The following CNBD2 variants were observed in gnomAD, a reference collection of about 807,000 sequenced individuals.
CNBD2 encodes the protein cyclic nucleotide-binding domain-containing protein 2.
Under a neutral mutation model 63.7 loss-of-function variants are expected in CNBD2, and 64 were observed. The ratio of observed to expected loss-of-function variants is 1.00; its 90% CI spans 0.82 to 1.24. The LOEUF (loss-of-function observed/expected upper bound fraction) is 1.24, where lower values mean the gene tolerates loss of function less well. Among genes scored for constraint, CNBD2 ranks in the 50% most tolerant of loss-of-function variants. The pLI, the probability that CNBD2 is intolerant of heterozygous loss-of-function variation, is 0.00. For missense variants in CNBD2, 691 were observed against 713.5 expected (o/e 0.97, Z 0.36); for synonymous variants, 229 against 255.4 (o/e 0.90, Z 0.99).
chr20:36,003,702 A>G (rs1345378213), intron 8 of CNBD2, among the ~76,000 whole-genome samples: 1 of 152,160 alleles, frequency 6.6e-6, no homozygotes, highest in Non-Finnish European at 1.5e-5. Flanking sequence ...AACTTAAAAT[A>G]ACAGACATTT....
At chr20:36,014,927 C>G (rs1412656613) in intron 10 of CNBD2, among the ~76,000 whole-genome samples, 1 of 152,196 alleles carries the variant, frequency 6.6e-6, no homozygotes, top group Non-Finnish European at 1.5e-5. Flanking sequence ...AACCATCGTG[C>G]CTGGCCTCCA....
chr20:36,016,083 C>T (rs1048854840), intron 10 of CNBD2, among the ~76,000 whole-genome samples: 2 of 152,170 alleles, frequency 1.3e-5, no homozygotes, highest in African/African-American at 2.4e-5. Context: ...CCTCTGTGGC[C>T]ATCCTCTCAA....
At chr20:35,967,600 C>T (rs1221922899), upstream of CNBD2, among the ~76,000 whole-genome samples, 1 of 149,708 alleles carries the variant, frequency 6.7e-6, no homozygotes, top group Non-Finnish European at 1.5e-5. Flanking sequence ...TGCCTGTAAT[C>T]CCGGCACTTT....
chr20:36,019,353 C>T (rs990135199), intron 10 of CNBD2, among the ~76,000 whole-genome samples: 1 of 151,570 alleles, frequency 6.6e-6, no homozygotes, highest in African/African-American at 2.4e-5. Context: ...GATGAAACCC[C>T]GTCTCTACCA....
chr20:36,007,004 A>T (rs368212233), intron 8 of CNBD2, among the ~76,000 whole-genome samples: 1 of 152,184 alleles, frequency 6.6e-6, no homozygotes, highest in East Asian at 1.9e-4. Flanking sequence ...CCTGACTAAC[A>T]TGGTGAAACC....
intron 7 of CNBD2, among the ~76,000 whole-genome samples, chr20:35,992,679 C>T (rs1268710297): frequency 6.6e-6 from 1 of 152,028 alleles, no homozygotes; most frequent in Non-Finnish European, 1.5e-5. Flanking sequence ...TATAAAAATT[C>T]TGATTTCTGG....
chr20:35,996,502 C>CTT lies in CNBD2; in HGVS notation c.970+1354_970+1355dup, dbSNP rs1349894287. On this transcript the variant is annotated intron_variant, in intron 8 of 11. Coordinates refer to ENST00000373973, the MANE Select transcript of CNBD2 (RefSeq NM_001365709.1). ...ATTGCATAATTCTCATAATAGCTCT[C>CTT]TTTTTGTTTTTTTTTTTTTTTTGGA... 5.2e-4 allele frequency among the ~76,000 whole-genome samples: 76 copies of CTT among 146,546 alleles called. 3 individuals are homozygous for CTT. Among genetic ancestry groups the CTT allele is most frequent in the Non-Finnish European group, 8.4e-4 (56 of 66,764 alleles).
chr20:36,024,743 C>T (rs2057263150), intron 11 of CNBD2, among the ~76,000 whole-genome samples: 1 of 152,116 alleles, frequency 6.6e-6, no homozygotes, highest in Non-Finnish European at 1.5e-5. Flanking sequence ...AGCTGGCCAA[C>T]ATGGTGAAAC....
chr20:36,019,563 T>C (rs190134943), intron 10 of CNBD2, among the ~76,000 whole-genome samples: 4 of 145,826 alleles, frequency 2.7e-5, no homozygotes, highest in Admixed American at 2.7e-4. Flanking sequence ...GAATAAGCTA[T>C]GGAACGACCT....
intron 8 of CNBD2, among the ~76,000 whole-genome samples, chr20:36,001,453 G>C (rs1237658449): frequency 4.2e-5 from 6 of 141,786 alleles, no homozygotes; most frequent in Admixed American, 7.1e-5. Context: ...GGGCAGAGGC[G>C]CCCCTCACCT....
rs552980526 is a variant in CNBD2 at position 36,000,931 on chromosome 20, T to C, written c.970+5779T>C. 4.6e-5 allele frequency among the ~76,000 whole-genome samples: 7 copies of C among 151,174 alleles called. No homozygotes were observed. The East Asian group carries it at 9.7e-4, about 21-fold the overall frequency. ...GTTTGTGTCCCTGGGTATTTGAGATTAGGGAGTGGTGATGACTCTTAACGA... is the reference window on the plus strand; with the variant it reads ...GTTTGTGTCCCTGGGTATTTGAGATCAGGGAGTGGTGATGACTCTTAACGA... On this transcript the variant is annotated intron_variant, in intron 8 of 11. Coordinates refer to ENST00000373973, the MANE Select transcript of CNBD2 (RefSeq NM_001365709.1).
upstream of CNBD2, chr20:35,954,692 C>A: frequency 8.7e-7 from 1 of 1,146,458 alleles, no homozygotes; most frequent in Non-Finnish European, 1.1e-6. Context: ...GAGGAGGAGC[C>A]TGAATGTTTG....
At chr20:35,984,580 G>A (rs770735249) in intron 5 of CNBD2, 47 bp from the exon 6 acceptor site, 3 of 1,598,548 alleles carry the variant, frequency 1.9e-6, no homozygotes, top group Non-Finnish European at 2.6e-6. Context: ...CTGAGGACAG[G>A]AAGTGGAGGT....
Position 35,984,746 on chromosome 20 carries a change from G to A in CNBD2, c.684G>A (p.Gln228=). The A allele has an allele frequency of 4.3e-6, 7 of 1,614,240 alleles. No individual in the cohort carries two copies. The highest frequency in any genetic ancestry group is 5.1e-6 in the Non-Finnish European group (6 of 1,180,038). ...CTAATAAGCTGGACCAGGAAGTTCA[G>A]AAGGATGCTCAGTATCGGTTTGAAT... ...FFANKLDQEV[Q]KDAQYRFEFF... The change falls in exon 6 of 12, where the codon CAG becomes CAA. Residue 228 remains glutamine, a synonymous_variant. Coordinates refer to ENST00000373973, the MANE Select transcript of CNBD2 (RefSeq NM_001365709.1).
rs532322869 is a variant in CNBD2, at chr20:35,982,236, G to A, written c.407+1614G>A. On this transcript the variant is annotated intron_variant, in intron 4 of 11. Transcript: ENST00000373973. ...AGCTGGGGACAATGGCCCTGCTATC[G>A]GGGCACTTCCACAATGGCTGCTCAT... is the stretch of plus-strand genomic sequence containing the variant. Among the ~76,000 whole-genome samples, 3 of 152,218 alleles carry A rather than the reference G, an allele frequency of 2.0e-5. No individual in the cohort carries two copies. In the East Asian group the frequency reaches 5.8e-4, roughly 29 times the overall value.
At chr20:35,982,208 CAG>C (rs1204802621) in intron 4 of CNBD2, among the ~76,000 whole-genome samples, 1 of 152,128 alleles carries the variant, frequency 6.6e-6, no homozygotes, top group Non-Finnish European at 1.5e-5. Context: ...GCCATGAGCT[CAG>C]AGCTGGGGAC....
rs1313564887 is a variant in CNBD2, at chr20:35,984,498, G to A, written c.565-129G>A. On this transcript the variant is annotated intron_variant, in intron 5 of 11. Coordinates refer to ENST00000373973, the MANE Select transcript of CNBD2 (RefSeq NM_001365709.1). The stretch of plus-strand genomic sequence containing the variant: ...GGAGAATGTGCAGGAGAATAGAGGA[G>A]GCTAGGGAACACACAGTCTGGTGAG... The A allele has an allele frequency of 1.6e-5, 15 of 962,606 alleles. No individual in the cohort carries two copies. In the East Asian group the frequency reaches 3.7e-4, roughly 24 times the overall value. 59.6% of individuals were successfully genotyped at this position (962,606 alleles called of 1,614,324 possible). A position where few individuals can be genotyped will look rare whatever the true frequency, so the allele number is the denominator to read the frequency against.
chr20:36,017,293 A>C (rs1231097409), intron 10 of CNBD2, among the ~76,000 whole-genome samples: 1 of 152,088 alleles, frequency 6.6e-6, no homozygotes, highest in Non-Finnish European at 1.5e-5. Context: ...ATGTGTGGTT[A>C]TTCAGCATCT....
rs2056644539 is a variant in CNBD2 at position 35,984,724 on chromosome 20, A to T, written c.662A>T (p.Asn221Ile). The T allele has an allele frequency of 6.2e-7, 1 of 1,614,096 alleles. No individual in the cohort carries two copies. Among genetic ancestry groups the T allele is most frequent in the South Asian group, 1.1e-5 (1 of 91,088 alleles). Residue 221 changes from asparagine to isoleucine, a missense_variant, in exon 6 of 12, where the codon AAT becomes ATT. Coordinates refer to ENST00000373973, the MANE Select transcript of CNBD2 (RefSeq NM_001365709.1). Reference protein sequence around the residue: ...LVVDREDFFANKLDQEVQKDA... With the variant: ...LVVDREDFFAIKLDQEVQKDA... ...GTTGACCGGGAGGACTTCTTTGCTA[A>T]TAAGCTGGACCAGGAAGTTCAGAAG... is the stretch of plus-strand genomic sequence containing the variant.
Sources: allele counts gnomAD v4.1 joint callset (sites outside exome capture counted in the v4.1 genomes callset), GRCh38; gene constraint gnomAD v4.1.1; transcripts MANE v1.5; gene names NCBI Gene and HGNC (gene_info 2026-07-23, HGNC 2026-07-21).